UBAC2: variants seen among roughly 807,000 people sequenced by gnomAD.
The protein encoded by UBAC2 is UBA domain containing 2.
In UBAC2, 26 loss-of-function variants were observed where a neutral mutation model predicts 44.0. The observed-to-expected ratio is 0.59, with a 90% CI of 0.43 to 0.82. The LOEUF is 0.82. UBAC2 is among the 40% of genes least tolerant of loss of function. UBAC2 has a pLI of 0.00. For missense variants in UBAC2, 329 were observed against 419.4 expected, an observed-to-expected ratio of 0.78 and a Z score of 1.88; for synonymous variants, 155 against 154.3, an observed-to-expected ratio of 1.00 and a Z score of -0.04.
chr13:99,217,720 C>T (rs2043013480), intron 1 of UBAC2, among the ~76,000 whole-genome samples: 1 of 152,160 alleles, frequency 6.6e-6, no homozygotes, highest in Non-Finnish European at 1.5e-5. Context: ...TTGTGGGGGG[C>T]AGGTTGGAGA....
At chr13:99,288,944 G>A in intron 4 of UBAC2, among the ~76,000 whole-genome samples, 1 of 152,232 alleles carries the variant, frequency 6.6e-6, no homozygotes, top group East Asian at 1.9e-4. Flanking sequence ...GGAAAAGCTA[G>A]TGTCTCTTCC....
At chr13:99,262,417 G>A (rs2043676548) in intron 4 of UBAC2, among the ~76,000 whole-genome samples, 1 of 152,084 alleles carries the variant, frequency 6.6e-6, no homozygotes, top group South Asian at 2.1e-4. Flanking sequence ...AGAAGAAAGA[G>A]GAGGGCTGGG....
intron 8 of UBAC2, chr13:99,377,151 C>G (rs2045491538): frequency 1.3e-5 from 2 of 152,248 alleles, no homozygotes; most frequent in Non-Finnish European, 2.9e-5. Flanking sequence ...TGGTGCTGGG[C>G]ACCGGGTGTG....
chr13:99,349,707 T>C (rs2045050415), intron 7 of UBAC2, among the ~76,000 whole-genome samples: 1 of 152,108 alleles, frequency 6.6e-6, no homozygotes, highest in East Asian at 1.9e-4. Flanking sequence ...CTTTAAGACT[T>C]TTACTATTTC....
chr13:99,201,452 A>G lies in UBAC2; in HGVS notation c.31+513A>G, dbSNP rs369556566. 1.9e-6 allele frequency: 3 copies of G among 1,613,968 alleles called. No homozygotes were observed. In the African/African-American group the frequency reaches 4.0e-5, roughly 22 times the overall value. On this transcript the variant is annotated intron_variant, in intron 1 of 8. Coordinates refer to ENST00000403766, the MANE Select transcript of UBAC2 (RefSeq NM_001144072.2). ...AGTCTCCAAGAAGAGTTTTTAGACA[A>G]ACACACACTGATGAGAGTGCTTTCA...
In UBAC2 at chr13:99,257,530, AT is replaced by A. The variant is rs35884013; in HGVS notation, c.389+12907del. The stretch of plus-strand genomic sequence containing the variant: ...TTTATGTAGCTTGTCACCAATACTT[AT>A]ATTCATTTGCTGACGTTTGAAAAAA... On this transcript the variant is annotated intron_variant, in intron 4 of 8. Coordinates refer to ENST00000403766, the MANE Select transcript of UBAC2 (RefSeq NM_001144072.2). 1.4e-3 allele frequency among the ~76,000 whole-genome samples: 207 copies of A among 152,216 alleles called. 2 individuals are homozygous for A. Among genetic ancestry groups the A allele is most frequent in the African/African-American group, 4.9e-3 (202 of 41,526 alleles).
intron 7 of UBAC2, among the ~76,000 whole-genome samples, chr13:99,355,400 C>G (rs1263210270): frequency 6.6e-6 from 1 of 152,184 alleles, no homozygotes; most frequent in Non-Finnish European, 1.5e-5. Context: ...TTACCGTCAC[C>G]AGCGTTCAGT....
chr13:99,351,931 G>T (rs1594159932), intron 7 of UBAC2: 1 of 356,320 alleles, frequency 2.8e-6, no homozygotes, highest in Non-Finnish European at 5.6e-6. Context: ...ATACTCACAC[G>T]TGCTTTCAGT....
chr13:99,336,337 A>G (rs1051058702), intron 6 of UBAC2, among the ~76,000 whole-genome samples: 5 of 152,198 alleles, frequency 3.3e-5, no homozygotes, highest in African/African-American at 1.2e-4. Context: ...TAAATTGTAA[A>G]GTAGACCAGT....
At chr13:99,344,770 C>T (rs2044947561) in intron 7 of UBAC2, among the ~76,000 whole-genome samples, 1 of 152,222 alleles carries the variant, frequency 6.6e-6, no homozygotes. Flanking sequence ...CTGCCACGTG[C>T]TCCTCGTGTG....
intron 4 of UBAC2, chr13:99,307,975 G>A (rs986641353): frequency 6.6e-6 from 1 of 152,198 alleles, no homozygotes; most frequent in African/African-American, 2.4e-5. Context: ...CTGAGTCAGA[G>A]GCTGTGTGAG....
intron 4 of UBAC2, among the ~76,000 whole-genome samples, chr13:99,257,699 T>C (rs1423623250): frequency 1.3e-5 from 2 of 152,224 alleles, no homozygotes; most frequent in Non-Finnish European, 1.5e-5. Context: ...TCTGTAGCTT[T>C]TCTTTTCTTA....
intron 4 of UBAC2, among the ~76,000 whole-genome samples, chr13:99,301,389 C>G (rs1347627834): frequency 2.6e-5 from 4 of 152,338 alleles, no homozygotes; most frequent in South Asian, 2.1e-4. Flanking sequence ...CCCAGTTTTG[C>G]CTCTGTAATG....
At chr13:99,283,899 TAATTTTTGTATTTTTAATA>T (rs2043986409) in intron 4 of UBAC2, among the ~76,000 whole-genome samples, 1 of 151,858 alleles carries the variant, frequency 6.6e-6, no homozygotes, top group East Asian at 1.9e-4. Flanking sequence ...CACGCCCAGC[TAATTTTTGTATTTTTAATA>T]GAGACGGTGT....
At chr13:99,314,919 A>C (rs572099379) in intron 5 of UBAC2, 6 of 152,278 alleles carry the variant, frequency 3.9e-5, no homozygotes, top group African/African-American at 1.2e-4. Flanking sequence ...CTTTTGATGT[A>C]GTTTTATTCT....
chr13:99,204,377 C>A (rs895379313), intron 1 of UBAC2, among the ~76,000 whole-genome samples: 1 of 152,036 alleles, frequency 6.6e-6, no homozygotes, highest in Non-Finnish European at 1.5e-5. Context: ...AGGGACAGAG[C>A]CTGGACAGGG....
chr13:99,295,858 G>A lies in UBAC2; in HGVS notation c.390-18239G>A. On this transcript the variant is annotated intron_variant, in intron 4 of 8. Coordinates refer to ENST00000403766, the MANE Select transcript of UBAC2 (RefSeq NM_001144072.2). The surrounding 1 kb of genome is among the most constrained non-coding windows in gnomAD (Gnocchi z 4.1). Reference sequence around the variant, plus strand: ...TACACAAGGCATCTCCGATTCTCCAGTCAAAGCCCATTGCATAGTAGGCTA... The same window carrying A: ...TACACAAGGCATCTCCGATTCTCCAATCAAAGCCCATTGCATAGTAGGCTA... 6.2e-7 allele frequency: 1 copy of A among 1,606,820 alleles called. No individual in the cohort carries two copies. The highest frequency in any genetic ancestry group is 8.5e-7 in the Non-Finnish European group (1 of 1,175,380).
At chr13:99,363,720 G>A (rs1047112924) in intron 7 of UBAC2, among the ~76,000 whole-genome samples, 3 of 152,200 alleles carry the variant, frequency 2.0e-5, no homozygotes, top group Non-Finnish European at 4.4e-5. Flanking sequence ...CAAGTCACAC[G>A]TATATACACA....
intron 1 of UBAC2, among the ~76,000 whole-genome samples, chr13:99,233,816 GA>G (rs887774160): frequency 6.7e-6 from 1 of 150,340 alleles, no homozygotes; most frequent in African/African-American, 2.4e-5. Context: ...AAGGATGGGA[GA>G]AAAAAAAAGG....
Sources: allele counts gnomAD v4.1 joint callset (sites outside exome capture counted in the v4.1 genomes callset), GRCh38; gene constraint gnomAD v4.1.1; non-coding constraint Gnocchi (gnomAD v3.1); transcripts MANE v1.5; gene names NCBI Gene and HGNC (gene_info 2026-07-23, HGNC 2026-07-21).